NKAIN2: variants seen among roughly 807,000 people sequenced by gnomAD.
NKAIN2 encodes sodium/potassium transporting ATPase interacting 2.
In NKAIN2, 14 loss-of-function variants were observed where a neutral mutation model predicts 32.6. The ratio of observed to expected loss-of-function variants is 0.43; its 90% CI spans 0.28 to 0.67. The LOEUF (loss-of-function observed/expected upper bound fraction) is 0.67, where lower values mean the gene tolerates loss of function less well. Ranked by LOEUF, NKAIN2 falls within the 30% of genes least tolerant of loss-of-function variation. The pLI, the probability that NKAIN2 is intolerant of heterozygous loss-of-function variation, is 0.17. For missense variants in NKAIN2, 198 were observed against 258.3 expected, an observed-to-expected ratio of 0.77 and a Z score of 1.60; for synonymous variants, 80 against 87.2, an observed-to-expected ratio of 0.92 and a Z score of 0.46.
intron 2 of NKAIN2, among the ~76,000 whole-genome samples, chr6:124,329,483 T>G (rs1797562993): frequency 1.3e-5 from 2 of 152,156 alleles, no homozygotes; most frequent in South Asian, 4.1e-4. Context: ...CTCAGCAATG[T>G]AGGACCCCCA....
chr6:124,077,011 T>C (rs542627171), intron 1 of NKAIN2, among the ~76,000 whole-genome samples: 1 of 152,338 alleles, frequency 6.6e-6, no homozygotes, highest in East Asian at 1.9e-4. Context: ...TTTAGATGAA[T>C]GTATATAAAG....
intron 4 of NKAIN2, 95 bp downstream of exon 4, chr6:124,658,481 G>A (rs750059475): frequency 4.4e-6 from 7 of 1,579,680 alleles, no homozygotes; most frequent in South Asian, 3.5e-5. Context: ...TGTGGGTAAA[G>A]TGTGGCCTTT....
intron 1 of NKAIN2, among the ~76,000 whole-genome samples, chr6:124,163,196 AACAG>A (rs983772368): frequency 4.6e-5 from 7 of 152,188 alleles, no homozygotes; most frequent in African/African-American, 9.6e-5. Context: ...ATAAAGGAAA[AACAG>A]ACAGGTGATT....
intron 1 of NKAIN2, among the ~76,000 whole-genome samples, chr6:123,897,912 T>C (rs2114400855): frequency 6.6e-6 from 1 of 152,346 alleles, no homozygotes; most frequent in South Asian, 2.1e-4. Context: ...AAATGTATTT[T>C]GTGAAGAGCT....
At chr6:124,576,737 G>T (rs145726351) in intron 3 of NKAIN2, among the ~76,000 whole-genome samples, 4 of 152,052 alleles carry the variant, frequency 2.6e-5, no homozygotes, top group African/African-American at 9.7e-5. Flanking sequence ...ATATTGGCAC[G>T]TTCCAAATAC....
At chr6:124,656,895 T>C (rs185930835) in intron 3 of NKAIN2, among the ~76,000 whole-genome samples, 72 of 152,258 alleles carry the variant, frequency 4.7e-4, no homozygotes, top group Non-Finnish European at 8.7e-4. Flanking sequence ...CAGACTCTAT[T>C]TTGAGATTTA....
At chr6:124,530,801 T>C (rs1779497313) in intron 3 of NKAIN2, among the ~76,000 whole-genome samples, 1 of 152,172 alleles carries the variant, frequency 6.6e-6, no homozygotes, top group East Asian at 1.9e-4. Context: ...GCTGTTATAA[T>C]TTTTAGAGTC....
intron 3 of NKAIN2, among the ~76,000 whole-genome samples, chr6:124,505,455 C>A (rs1778439716): frequency 6.6e-6 from 1 of 152,168 alleles, no homozygotes; most frequent in South Asian, 2.1e-4. Context: ...CCTCTTCCAT[C>A]AAATTTCCAT....
intron 3 of NKAIN2, among the ~76,000 whole-genome samples, chr6:124,576,307 A>G (rs1247350968): frequency 4.6e-5 from 7 of 151,918 alleles, no homozygotes; most frequent in African/African-American, 1.7e-4. Context: ...AACAACTGTC[A>G]GATAAACTAT....
At chr6:124,707,872 T>G (rs551030151) in intron 4 of NKAIN2, among the ~76,000 whole-genome samples, 5 of 152,330 alleles carry the variant, frequency 3.3e-5, no homozygotes, top group African/African-American at 1.2e-4. Context: ...AATTTTGTCT[T>G]TTGTTGCTAT....
At chr6:123,873,224 C>A (rs1231808115) in intron 1 of NKAIN2, among the ~76,000 whole-genome samples, 2 of 111,374 alleles carry the variant, frequency 1.8e-5, no homozygotes, top group East Asian at 3.1e-4. Context: ...TATATATAAT[C>A]TAAGGCATGA....
Position 124,774,856 on chromosome 6 carries a change from C to CAA in NKAIN2, c.475-16464_475-16463dup, listed in dbSNP as rs777636496. Among the ~76,000 whole-genome samples, 55 of 72,752 alleles carry CAA rather than the reference C, an allele frequency of 7.6e-4. 1 individual carries two copies. The highest frequency in any genetic ancestry group is 4.2e-3 in the South Asian group (8 of 1,896). The allele number at this position is 72,752 out of a possible 152,430, so 47.7% of individuals were successfully genotyped here. A position where few individuals can be genotyped will look rare whatever the true frequency, so the allele number is the denominator to read the frequency against. On this transcript the variant is annotated intron_variant, in intron 4 of 6. Transcript: ENST00000368417. ...GGGCTAGAAGAGCAAAACTTCATCT[C>CAA]AAAAAAAAAAAAAAAAAAAAGATAC...
chr6:124,579,408 G>A (rs1280835311), intron 3 of NKAIN2, among the ~76,000 whole-genome samples: 2 of 152,210 alleles, frequency 1.3e-5, no homozygotes, highest in Non-Finnish European at 2.9e-5. Context: ...CAAAGACATT[G>A]AAATAATTAA....
At chr6:123,888,078 A>G (rs1334401410) in intron 1 of NKAIN2, among the ~76,000 whole-genome samples, 2 of 152,166 alleles carry the variant, frequency 1.3e-5, no homozygotes, top group African/African-American at 4.8e-5. Context: ...CTATATAAAT[A>G]TAAATATCTA....
chr6:123,943,840 A>G (rs1013532576), intron 1 of NKAIN2, among the ~76,000 whole-genome samples: 5 of 152,086 alleles, frequency 3.3e-5, no homozygotes, highest in Non-Finnish European at 7.4e-5. Flanking sequence ...TTAGTTTAAT[A>G]ATACCATTTT....
chr6:124,051,935 T>C (rs1287422406), intron 1 of NKAIN2, among the ~76,000 whole-genome samples: 1 of 151,984 alleles, frequency 6.6e-6, no homozygotes, highest in Non-Finnish European at 1.5e-5. Context: ...TAGTCAAAAG[T>C]GCCATGTGAC....
chr6:124,653,723 T>C (rs1784446136), intron 3 of NKAIN2, among the ~76,000 whole-genome samples: 1 of 152,120 alleles, frequency 6.6e-6, no homozygotes, highest in African/African-American at 2.4e-5. Flanking sequence ...AGACAAGCCA[T>C]AGACTGGTAG....
At chr6:124,506,664 G>A (rs1778496017) in intron 3 of NKAIN2, among the ~76,000 whole-genome samples, 1 of 151,990 alleles carries the variant, frequency 6.6e-6, no homozygotes, top group African/African-American at 2.4e-5. Context: ...CATTGTTTTA[G>A]TAGAACTATT....
At chr6:124,235,797 C>T (rs1792723504) in intron 1 of NKAIN2, among the ~76,000 whole-genome samples, 1 of 151,948 alleles carries the variant, frequency 6.6e-6, no homozygotes, top group African/African-American at 2.4e-5. Flanking sequence ...CAGGGTTTCA[C>T]CATGTTGGCC....
Sources: allele counts gnomAD v4.1 joint callset (sites outside exome capture counted in the v4.1 genomes callset), GRCh38; gene constraint gnomAD v4.1.1; transcripts MANE v1.5; gene names NCBI Gene and HGNC (gene_info 2026-07-23, HGNC 2026-07-21).